IL1RAP: variants seen among roughly 807,000 people sequenced by gnomAD.
IL1RAP encodes interleukin 1 receptor accessory protein, also known as interleukin-1 receptor accessory protein.
In IL1RAP, 35 loss-of-function variants were observed where a neutral mutation model predicts 60.7. The ratio of observed to expected loss-of-function variants is 0.58; its 90% CI spans 0.44 to 0.76. IL1RAP has a LOEUF of 0.76. Among genes scored for constraint, IL1RAP ranks in the 30% least tolerant of loss-of-function variants. The pLI is 0.00. For missense variants in IL1RAP, 572 were observed against 693.9 expected (o/e 0.82, Z 1.97); for synonymous variants, 268 against 250.9 (o/e 1.07, Z -0.64).
At chr3:190,553,144 G>A (rs9857664) in intron 1 of IL1RAP, among the ~76,000 whole-genome samples, 9,071 of 152,172 alleles carry the variant, frequency 0.06, 905 homozygotes, top group African/African-American at 0.2. Flanking sequence ...ACAAAGCCTT[G>A]CCATGTGGTT....
At chr3:190,534,623 G>A (rs1260637519) in intron 1 of IL1RAP, among the ~76,000 whole-genome samples, 2 of 152,078 alleles carry the variant, frequency 1.3e-5, no homozygotes, top group African/African-American at 2.4e-5. Flanking sequence ...TTTTGATATA[G>A]GACCATTGCC....
chr3:190,543,211 C>T (rs541348294), intron 1 of IL1RAP, among the ~76,000 whole-genome samples: 3 of 152,170 alleles, frequency 2.0e-5, no homozygotes, highest in South Asian at 2.1e-4. Context: ...GAAAAATCAC[C>T]CCCACCCATG....
At chr3:190,646,154 T>C (rs75995737) in intron 11 of IL1RAP, among the ~76,000 whole-genome samples, 14,611 of 151,794 alleles carry the variant, frequency 0.096, 933 homozygotes, top group Non-Finnish European at 0.14. Context: ...ATTTAGATTT[T>C]TCGGTTTAGG....
At chr3:190,585,469 G>A (rs1398670732) in intron 3 of IL1RAP, among the ~76,000 whole-genome samples, 4 of 152,188 alleles carry the variant, frequency 2.6e-5, no homozygotes, top group Non-Finnish European at 5.9e-5. Context: ...CAGGGCACAA[G>A]TATACTGCCC....
chr3:190,646,070 T>G (rs1733992832), intron 11 of IL1RAP, among the ~76,000 whole-genome samples: 1 of 152,226 alleles, frequency 6.6e-6, no homozygotes, highest in Non-Finnish European at 1.5e-5. Flanking sequence ...GAGATGCATG[T>G]CAGAAAAGCA....
chr3:190,622,131 G>A (rs968954238), intron 6 of IL1RAP, among the ~76,000 whole-genome samples: 2 of 152,136 alleles, frequency 1.3e-5, no homozygotes, highest in African/African-American at 4.8e-5. Context: ...AAGAAATACA[G>A]AGAGAAGAAA....
Position 190,648,416 on chromosome 3 carries a change from AG to A in IL1RAP, c.1427del (p.Gly476GlufsTer12). The A allele has an allele frequency of 6.2e-7, 1 of 1,614,098 alleles. No homozygotes were observed. The highest frequency in any genetic ancestry group is 8.5e-7 in the Non-Finnish European group (1 of 1,179,984). ...LVVLSPNYVL[Q>X]GTQALLELKA... ...GTTCTAAGCCCCAACTACGTGCTCC[AG>A]GGAACCCAAGCCCTCCTGGAGCTCA... On this transcript the variant is annotated frameshift_variant, in exon 12 of 12. Transcript: ENST00000447382. LOFTEE classifies it high-confidence loss of function.
chr3:190,552,257 T>C (rs1030204986), intron 1 of IL1RAP, among the ~76,000 whole-genome samples: 1 of 152,230 alleles, frequency 6.6e-6, no homozygotes, highest in African/African-American at 2.4e-5. Flanking sequence ...TATAGCCCTT[T>C]ACAAATTTTG....
chr3:190,654,616 C>T (rs1432225874), downstream of IL1RAP, among the ~76,000 whole-genome samples: 1 of 152,154 alleles, frequency 6.6e-6, no homozygotes, highest in Non-Finnish European at 1.5e-5. Context: ...AAAAACAAAA[C>T]TATAATCTGT....
chr3:190,515,980 A>T (rs1384145878), intron 1 of IL1RAP, among the ~76,000 whole-genome samples: 2 of 152,150 alleles, frequency 1.3e-5, no homozygotes, highest in Non-Finnish European at 2.9e-5. Flanking sequence ...TTAAAGTTAA[A>T]TGGATTCCCT....
chr3:190,553,833 G>C (rs1303092122), intron 1 of IL1RAP, among the ~76,000 whole-genome samples: 1 of 151,978 alleles, frequency 6.6e-6, no homozygotes. Flanking sequence ...GGCCGAGGCG[G>C]GCGGATCACG....
At chr3:190,515,264 T>G (rs1274135277) in intron 1 of IL1RAP, among the ~76,000 whole-genome samples, 1 of 149,434 alleles carries the variant, frequency 6.7e-6, no homozygotes, top group Non-Finnish European at 1.5e-5. Flanking sequence ...AAAATGGAGA[T>G]TTATAATGGT....
At chr3:190,534,234 C>T (rs1370872870) in intron 1 of IL1RAP, among the ~76,000 whole-genome samples, 1 of 151,380 alleles carries the variant, frequency 6.6e-6, no homozygotes, top group East Asian at 1.9e-4. Context: ...TCTTTCCCCT[C>T]AGGATTTACA....
chr3:190,629,912 G>A, intron 9 of IL1RAP: 1 of 961,524 alleles, frequency 1.0e-6, no homozygotes. Flanking sequence ...AAAAAAGATT[G>A]CATCATCTGA....
chr3:190,532,221 T>G (rs561133656), intron 1 of IL1RAP, among the ~76,000 whole-genome samples: 1 of 151,848 alleles, frequency 6.6e-6, no homozygotes, highest in East Asian at 1.9e-4. Context: ...GCTTACTGTG[T>G]GCCAGGTGCT....
intron 9 of IL1RAP, among the ~76,000 whole-genome samples, chr3:190,635,980 G>A (rs1733190996): frequency 6.6e-6 from 1 of 152,102 alleles, no homozygotes; most frequent in Admixed American, 6.5e-5. Context: ...TGTGAAAACC[G>A]AGGGAATGGG....
At chr3:190,629,293 A>G (rs1732575004) in intron 8 of IL1RAP, 57 bp from the exon 9 acceptor site, 3 of 1,281,950 alleles carry the variant, frequency 2.3e-6, no homozygotes, top group South Asian at 1.4e-5. Context: ...ATTCCTACAC[A>G]GTCCATAGCT....
At position 190,520,273 on chromosome 3, in the gene IL1RAP, A is replaced by T. The variant is rs185021859; in HGVS notation, c.-89+6054A>T. ...ATTGAACGGATGATGGGTTCATATT[A>T]TGTCAGTGGGCCCAAAATTGACTTT... is the stretch of plus-strand genomic sequence containing the variant. On this transcript the variant is annotated intron_variant, in intron 1 of 11. Transcript: ENST00000447382. Among the ~76,000 whole-genome samples the T allele has an allele frequency of 1.8e-3, 276 of 152,312 alleles. 3 individuals are homozygous for T. Among genetic ancestry groups the T allele is most frequent in the South Asian group, 0.012 (58 of 4,828 alleles).
intron 2 of IL1RAP, among the ~76,000 whole-genome samples, chr3:190,559,112 T>A (rs1198116916): frequency 6.6e-6 from 1 of 152,178 alleles, no homozygotes; most frequent in African/African-American, 2.4e-5. Context: ...TTAGCTGAGC[T>A]TTAGTAGTTT....
Sources: gnomAD v4.1 joint callset for allele counts (sites outside exome capture counted in the v4.1 genomes callset) on GRCh38, gnomAD v4.1.1 for gene constraint, MANE v1.5 for transcripts, NCBI Gene and HGNC (gene_info 2026-07-23, HGNC 2026-07-21) for gene names.